Variants in PARD3B observed in about 807,000 individuals in gnomAD.
PARD3B encodes partitioning defective 3 homolog B.
A neutral mutation model predicts 130.2 loss-of-function variants in PARD3B; 103 were observed. The ratio of observed to expected loss-of-function variants is 0.79; its 90% CI spans 0.67 to 0.93. The LOEUF (loss-of-function observed/expected upper bound fraction) is 0.93. PARD3B is among the 40% of genes least tolerant of loss of function. PARD3B has a pLI of 0.00. For missense variants in PARD3B, 1,609 were observed against 1,499.2 expected, an observed-to-expected ratio of 1.07 and a Z score of -1.21; for synonymous variants, 583 against 553.2, an observed-to-expected ratio of 1.05 and a Z score of -0.76.
At chr2:204,718,335 T>G (rs1267999189) in intron 2 of PARD3B, among the ~76,000 whole-genome samples, 3 of 152,132 alleles carry the variant, frequency 2.0e-5, no homozygotes, top group African/African-American at 7.2e-5. Flanking sequence ...AAAGGAGGTT[T>G]AATTCACTCA....
At chr2:204,984,931 A>G (rs1693003481) in intron 3 of PARD3B, among the ~76,000 whole-genome samples, 1 of 146,342 alleles carries the variant, frequency 6.8e-6, no homozygotes, top group Non-Finnish European at 1.5e-5. Flanking sequence ...CCCACCCCAG[A>G]TGACTTCAAG....
At chr2:204,842,766 C>T (rs146666929) in intron 2 of PARD3B, among the ~76,000 whole-genome samples, 3 of 152,206 alleles carry the variant, frequency 2.0e-5, no homozygotes, top group South Asian at 2.1e-4. Context: ...TGAAGAAAAT[C>T]GCTCTGTACA....
At chr2:205,275,109 A>G (rs2040886058) in intron 16 of PARD3B, among the ~76,000 whole-genome samples, 1 of 152,072 alleles carries the variant, frequency 6.6e-6, no homozygotes, top group Admixed American at 6.5e-5. Context: ...TTGAGAGGGA[A>G]GTGACTGAAG....
At chr2:204,578,606 A>G (rs2032387782) in intron 1 of PARD3B, among the ~76,000 whole-genome samples, 3 of 152,144 alleles carry the variant, frequency 2.0e-5, no homozygotes, top group Admixed American at 1.3e-4. Context: ...GTTTATTATA[A>G]TGATGTAATA....
At chr2:204,927,840 G>A (rs932457784) in intron 2 of PARD3B, among the ~76,000 whole-genome samples, 6 of 132,938 alleles carry the variant, frequency 4.5e-5, no homozygotes, top group African/African-American at 1.6e-4. Flanking sequence ...AGGTAGGTAC[G>A]TAGGTAGGTA....
Position 204,596,211 on chromosome 2 carries a change from GT to G in PARD3B, c.120+50093del, listed in dbSNP as rs548175416. Among the ~76,000 whole-genome samples the G allele has an allele frequency of 2.6e-3, 396 of 152,158 alleles. 3 individuals are homozygous for G. The highest frequency in any genetic ancestry group is 9.2e-3 in the African/African-American group (382 of 41,508). On this transcript the variant is annotated intron_variant, in intron 1 of 22. Coordinates refer to ENST00000406610, the MANE Select transcript of PARD3B (RefSeq NM_001302769.2). Reference sequence around the variant, plus strand: ...CTTTTTTGCTTTGAACAAACTTTTTGTGAAAAATTTCAAACTCATACAAATA... The same window carrying G: ...CTTTTTTGCTTTGAACAAACTTTTTGGAAAAATTTCAAACTCATACAAATA...
intron 22 of PARD3B, among the ~76,000 whole-genome samples, chr2:205,574,088 G>T (rs1049283963): frequency 5.9e-5 from 9 of 152,116 alleles, no homozygotes; most frequent in African/African-American, 2.2e-4. Flanking sequence ...CAAAATTTTA[G>T]AAACCACAAT....
intron 18 of PARD3B, among the ~76,000 whole-genome samples, chr2:205,333,611 C>T (rs1219246258): frequency 6.6e-6 from 1 of 152,144 alleles, no homozygotes; most frequent in Non-Finnish European, 1.5e-5. Context: ...TTTATCAAAT[C>T]AGGTTTCTGA....
intron 19 of PARD3B, among the ~76,000 whole-genome samples, chr2:205,438,562 C>A (rs1406796968): frequency 2.6e-5 from 4 of 152,192 alleles, no homozygotes; most frequent in Admixed American, 6.5e-5. Context: ...GTGCAGCAAG[C>A]ATTCTCTGAT....
rs200711837 is a variant in PARD3B, at chr2:205,480,240, T to A, written c.3045-19656T>A. Among the ~76,000 whole-genome samples, 3 of 152,146 alleles carry A rather than the reference T, an allele frequency of 2.0e-5. No individual in the cohort carries two copies. The East Asian group carries it at 5.8e-4, about 29-fold the overall frequency. ...TTTCTCCTGCATTAATTGATTACAC[T>A]CATTCCCTCATTAGGGCTTTGGCTC... On this transcript the variant is annotated intron_variant, in intron 20 of 22. Coordinates refer to ENST00000406610, the MANE Select transcript of PARD3B (RefSeq NM_001302769.2).
chr2:204,732,369 G>A (rs2039552518), intron 2 of PARD3B, among the ~76,000 whole-genome samples: 1 of 152,132 alleles, frequency 6.6e-6, no homozygotes, highest in Non-Finnish European at 1.5e-5. Context: ...TTCTAGCTAT[G>A]GTTTTCTCTG....
chr2:204,754,911 C>T (rs1256898004), intron 2 of PARD3B, among the ~76,000 whole-genome samples: 2 of 152,092 alleles, frequency 1.3e-5, no homozygotes, highest in African/African-American at 4.8e-5. Context: ...TATTGGGAAA[C>T]AGCATCTTTC....
intron 2 of PARD3B, among the ~76,000 whole-genome samples, chr2:204,744,625 G>A (rs986804328): frequency 2.6e-5 from 4 of 152,094 alleles, no homozygotes; most frequent in Non-Finnish European, 5.9e-5. Flanking sequence ...GAAACTGGTG[G>A]CCTTGGGCAG....
chr2:205,156,393 C>T (rs931643231), intron 10 of PARD3B, among the ~76,000 whole-genome samples: 1 of 150,728 alleles, frequency 6.6e-6, no homozygotes, highest in African/African-American at 2.4e-5. Context: ...GCACATGTAC[C>T]CTAAAACTTA....
intron 4 of PARD3B, among the ~76,000 whole-genome samples, chr2:205,056,130 C>T (rs1699617599): frequency 6.6e-6 from 1 of 151,748 alleles, no homozygotes; most frequent in African/African-American, 2.4e-5. Flanking sequence ...AGAAGCAAGA[C>T]AATTGGCCTT....
intron 4 of PARD3B, among the ~76,000 whole-genome samples, chr2:205,096,005 G>A (rs899340279): frequency 6.6e-6 from 1 of 152,054 alleles, no homozygotes; most frequent in Non-Finnish European, 1.5e-5. Context: ...TATGCTTCAT[G>A]CCATAGATTT....
chr2:204,937,020 G>A lies in PARD3B; in HGVS notation c.223-28132G>A, dbSNP rs576039291. Among the ~76,000 whole-genome samples, 5 of 152,338 alleles carry A rather than the reference G, an allele frequency of 3.3e-5. No homozygotes were observed. In the South Asian group the frequency reaches 1.0e-3, roughly 32 times the overall value. ...GTATTGAGTAATATTATCCCCATTT[G>A]ATAGACAAAGAAGTGAATAGACACA... On this transcript the variant is annotated intron_variant, in intron 2 of 22. Transcript: ENST00000406610.
intron 16 of PARD3B, among the ~76,000 whole-genome samples, chr2:205,277,801 A>C (rs541325075): frequency 2.0e-5 from 3 of 152,300 alleles, no homozygotes; most frequent in Admixed American, 6.5e-5. Flanking sequence ...CATCCCGAGG[A>C]GTTTGGACCT....
intron 4 of PARD3B, among the ~76,000 whole-genome samples, chr2:205,068,577 AG>A (rs1700531528): frequency 4.1e-5 from 2 of 49,250 alleles, no homozygotes. Flanking sequence ...CAAGGAATGA[AG>A]TTATTTTTTT....
Sources: allele counts gnomAD v4.1 joint callset (sites outside exome capture counted in the v4.1 genomes callset), GRCh38; gene constraint gnomAD v4.1.1; transcripts MANE v1.5; gene names NCBI Gene and HGNC (gene_info 2026-07-23, HGNC 2026-07-21).